The following GP9 variants were observed in gnomAD, a reference collection of about 807,000 sequenced individuals.
GP9 encodes the protein glycoprotein IX platelet, also known as platelet glycoprotein IX.
For synonymous variants in GP9, 116 were observed against 116.7 expected, an observed-to-expected ratio of 0.99 and a Z score of 0.04; for missense variants, 228 against 241.8, an observed-to-expected ratio of 0.94 and a Z score of 0.38.
At chr3:129,059,057 T>C (rs1946548145), upstream of GP9, among the ~76,000 whole-genome samples, 1 of 152,242 alleles carries the variant, frequency 6.6e-6, no homozygotes, top group South Asian at 2.1e-4. Context: ...CAGATGGGTA[T>C]GTATTTACCC....
rs544385353 is a variant in GP9, at chr3:129,061,633, G to C, written c.-13+14G>C. On this transcript the variant is annotated intron_variant, in intron 2 of 2. Coordinates refer to ENST00000307395, the MANE Select transcript of GP9 (RefSeq NM_000174.5). Reference sequence around the variant, plus strand: ...CCGAGAAGGGAGGTGAGTGCACCCCGTCCCATGTCAGGCTCCGCTACATCC... The same window carrying C: ...CCGAGAAGGGAGGTGAGTGCACCCCCTCCCATGTCAGGCTCCGCTACATCC... The C allele has an allele frequency of 2.1e-6, 2 of 938,702 alleles. No homozygotes were observed. Among genetic ancestry groups the C allele is most frequent in the Non-Finnish European group, 3.3e-6 (2 of 601,890 alleles). The allele number at this position is 938,702 out of a possible 1,614,324, so 58.1% of individuals were successfully genotyped here.
At chr3:129,055,277 T>C in the GP9 span, among the ~76,000 whole-genome samples, 1 of 152,240 alleles carries the variant, frequency 6.6e-6, no homozygotes. Context: ...TTACACTTAA[T>C]ATTTTTCTTA....
At chr3:129,059,915 C>T (rs1946557130), upstream of GP9, among the ~76,000 whole-genome samples, 1 of 152,196 alleles carries the variant, frequency 6.6e-6, no homozygotes. Context: ...CTGTCTTTGG[C>T]TTTTCCTGCC....
upstream of GP9, among the ~76,000 whole-genome samples, chr3:129,057,289 T>C (rs1946529803): frequency 6.6e-6 from 1 of 152,212 alleles, no homozygotes; most frequent in African/African-American, 2.4e-5. Flanking sequence ...AGGATGGAGC[T>C]GTGCCTTGGC....
chr3:129,056,667 A>G (rs1946524800), upstream of GP9, among the ~76,000 whole-genome samples: 1 of 152,160 alleles, frequency 6.6e-6, no homozygotes, highest in South Asian at 2.1e-4. Context: ...TGCTGGGCCC[A>G]TTTGCAAACA....
At chr3:129,056,013 G>T (rs1187949390), upstream of GP9, among the ~76,000 whole-genome samples, 1 of 152,130 alleles carries the variant, frequency 6.6e-6, no homozygotes, top group East Asian at 1.9e-4. Flanking sequence ...CACAGTGCCT[G>T]CTGTGGCCAG....
chr3:129,057,545 C>T (rs1161328004), upstream of GP9, among the ~76,000 whole-genome samples: 1 of 152,092 alleles, frequency 6.6e-6, no homozygotes, highest in Non-Finnish European at 1.5e-5. Context: ...TACAGGGGGG[C>T]CTGTAGCTTC....
At chr3:129,060,931 G>A (rs1005227802) in intron 1 of GP9, 81 bp downstream of exon 1, 8 of 152,820 alleles carry the variant, frequency 5.2e-5, no homozygotes, top group Non-Finnish European at 1.0e-4. Context: ...ACAAGACAGG[G>A]TTGGGTGGGA....
At chr3:129,057,699 T>C (rs1467569118), upstream of GP9, among the ~76,000 whole-genome samples, 2 of 152,050 alleles carry the variant, frequency 1.3e-5, no homozygotes, top group Non-Finnish European at 2.9e-5. Context: ...TACTGATGGG[T>C]TGGACAGCAA....
At chr3:129,056,109 C>A (rs1384482649), upstream of GP9, among the ~76,000 whole-genome samples, 2 of 152,196 alleles carry the variant, frequency 1.3e-5, no homozygotes, top group Non-Finnish European at 2.9e-5. Context: ...CCCCATTCTG[C>A]AGATGAGGAA....
At chr3:129,058,584 T>A (rs1054252777), upstream of GP9, among the ~76,000 whole-genome samples, 4 of 152,130 alleles carry the variant, frequency 2.6e-5, no homozygotes, top group African/African-American at 9.7e-5. Context: ...CCATGGTAGT[T>A]TACAAATGCC....
At chr3:129,061,662 G>A (rs1361131831) in intron 2 of GP9, 43 bp downstream of exon 2, 32 of 1,254,730 alleles carry the variant, frequency 2.6e-5, no homozygotes, top group Non-Finnish European at 3.4e-5. Context: ...TACATCCCCA[G>A]TGCTTGCCGT....
At chr3:129,056,467 A>G (rs1946522297), upstream of GP9, among the ~76,000 whole-genome samples, 1 of 152,238 alleles carries the variant, frequency 6.6e-6, no homozygotes, top group South Asian at 2.1e-4. Flanking sequence ...TTTGCCTCAT[A>G]ATACGATTAC....
chr3:129,055,459 C>G, the GP9 span, among the ~76,000 whole-genome samples: 1 of 152,194 alleles, frequency 6.6e-6, no homozygotes, highest in Non-Finnish European at 1.5e-5. Flanking sequence ...AGCCACTGAG[C>G]TGAAGGGCCA....
Position 129,062,014 on chromosome 3 carries a change from G to A in GP9, c.275G>A (p.Ser92Asn), listed in dbSNP as rs780057910. 2.5e-6 allele frequency: 4 copies of A among 1,613,696 alleles called. No homozygotes were observed. The highest frequency in any genetic ancestry group is 1.3e-5 in the African/African-American group (1 of 75,068). ...CAGAACCCCTGGCACTGTGACTGCA[G>A]CCTCACCTATCTGCGCCTCTGGCTG... ...VTQNPWHCDCSLTYLRLWLED... is the reference protein window; with the variant it reads ...VTQNPWHCDCNLTYLRLWLED... The change falls in exon 3 of 3, where the codon AGC becomes AAC. Residue 92 changes from serine to asparagine, a missense_variant. By Grantham distance (46) the Ser-to-Asn change is conservative (BLOSUM62 1). Coordinates refer to ENST00000307395, the MANE Select transcript of GP9 (RefSeq NM_000174.5).
chr3:129,057,940 T>C (rs1946536882), upstream of GP9, among the ~76,000 whole-genome samples: 1 of 151,820 alleles, frequency 6.6e-6, no homozygotes, highest in African/African-American at 2.4e-5. Flanking sequence ...TTCAAGTGAT[T>C]CTCTTGCCTC....
chr3:129,061,858 GC>G lies in GP9; in HGVS notation c.121del (p.His41ThrfsTer42). Reference protein sequence around the residue: ...ETMGLWVDCRGHGLTALPALP... With the variant: ...ETMGLWVDCRXHGLTALPALP... ...ATGGGGCTGTGGGTGGACTGCAGGGGCCACGGACTCACGGCCCTGCCTGCCC... is the reference window on the plus strand; with the variant it reads ...ATGGGGCTGTGGGTGGACTGCAGGGGCACGGACTCACGGCCCTGCCTGCCC... On this transcript the variant is annotated frameshift_variant, in exon 3 of 3. Transcript: ENST00000307395. LOFTEE classifies it low-confidence loss of function (END_TRUNC). The G allele has an allele frequency of 1.2e-6, 2 of 1,612,454 alleles. No homozygotes were observed. Among genetic ancestry groups the G allele is most frequent in the East Asian group, 4.5e-5 (2 of 44,800 alleles).
At chr3:129,059,348 A>T (rs888318270), upstream of GP9, among the ~76,000 whole-genome samples, 1 of 152,058 alleles carries the variant, frequency 6.6e-6, no homozygotes, top group Non-Finnish European at 1.5e-5. Flanking sequence ...TGGCAGCTCC[A>T]GCACCCCCAC....
upstream of GP9, among the ~76,000 whole-genome samples, chr3:129,057,169 C>G (rs1009817539): frequency 7.2e-5 from 11 of 152,270 alleles, no homozygotes; most frequent in East Asian, 2.1e-3. Context: ...TCTTGAGTTT[C>G]ACATCAATGG....
Sources: allele counts gnomAD v4.1 joint callset (sites outside exome capture counted in the v4.1 genomes callset), GRCh38; gene constraint gnomAD v4.1.1; transcripts MANE v1.5; gene names NCBI Gene and HGNC (gene_info 2026-07-23, HGNC 2026-07-21).